KIF5C: variants seen among roughly 807,000 people sequenced by gnomAD.
KIF5C encodes kinesin heavy chain isoform 5C.
A neutral mutation model predicts 125.2 loss-of-function variants in KIF5C; 18 were observed. The ratio of observed to expected loss-of-function variants is 0.14; its 90% CI spans 0.10 to 0.21. The LOEUF (loss-of-function observed/expected upper bound fraction) is 0.21, where lower values mean the gene tolerates loss of function less well. Ranked by LOEUF, KIF5C falls within the 10% of genes least tolerant of loss-of-function variation. The pLI is 1.00. For synonymous variants in KIF5C, 405 were observed against 434.0 expected, an observed-to-expected ratio of 0.93 and a Z score of 0.83; for missense variants, 780 against 1,183.8, an observed-to-expected ratio of 0.66 and a Z score of 5.01.
At position 149,018,622 on chromosome 2, in the gene KIF5C, C is replaced by T. The variant is rs57737068; in HGVS notation, c.*8-4456C>T. Among the ~76,000 whole-genome samples the T allele has an allele frequency of 2.1e-3, 314 of 151,980 alleles. 3 individuals carry two copies. Among genetic ancestry groups the T allele is most frequent in the African/African-American group, 7.2e-3 (297 of 41,432 alleles). Reference sequence around the variant, plus strand: ...GGCAGGAGGATCACTTGAGGCCAGGCGTTTGAAACCAGCCTTAGCGAGACT... The same window carrying T: ...GGCAGGAGGATCACTTGAGGCCAGGTGTTTGAAACCAGCCTTAGCGAGACT... On this transcript the variant is annotated intron_variant, in intron 25 of 25. Coordinates refer to ENST00000435030, the MANE Select transcript of KIF5C (RefSeq NM_004522.3).
At chr2:148,877,371 C>T (rs1681222908) in intron 1 of KIF5C, 1 of 152,288 alleles carries the variant, frequency 6.6e-6, no homozygotes, top group African/African-American at 2.4e-5. Flanking sequence ...GGGGTTTTCT[C>T]TCTGTTTAGT....
intron 1 of KIF5C, among the ~76,000 whole-genome samples, chr2:148,920,119 C>T (rs940924977): frequency 1.3e-5 from 2 of 152,048 alleles, no homozygotes; most frequent in Non-Finnish European, 2.9e-5. Context: ...GTACCATGTG[C>T]TATAATTTAA....
intron 1 of KIF5C, among the ~76,000 whole-genome samples, chr2:148,904,613 T>G (rs767430660): frequency 6.6e-6 from 1 of 151,926 alleles, no homozygotes; most frequent in South Asian, 2.1e-4. Flanking sequence ...CTTGGATGGA[T>G]TGCTGCTGTT....
rs546540699 is a variant in KIF5C, at chr2:148,875,242, T to A, written c.-376T>A. On this transcript the variant is annotated 5_prime_UTR_variant, in exon 1 of 26. Transcript: ENST00000435030. ...TCAAGGCGGCAGAGCGCGCTGGTGC[T>A]GATGCAGGATGGCTGAGCGCGCAGG... The A allele has an allele frequency of 5.5e-6, 1 of 182,486 alleles. No homozygotes were observed. The highest frequency in any genetic ancestry group is 2.4e-5 in the African/African-American group (1 of 42,360). 11.3% of individuals were successfully genotyped at this position (182,486 alleles called of 1,614,324 possible). A position where few individuals can be genotyped will look rare whatever the true frequency, so the allele number is the denominator to read the frequency against.
At chr2:148,895,534 T>C (rs1681816791) in intron 1 of KIF5C, among the ~76,000 whole-genome samples, 1 of 152,144 alleles carries the variant, frequency 6.6e-6, no homozygotes, top group African/African-American at 2.4e-5. Flanking sequence ...CTCCAAAATA[T>C]TTATAAAAAT....
At chr2:148,918,002 C>T (rs1027402092) in intron 1 of KIF5C, among the ~76,000 whole-genome samples, 3 of 152,154 alleles carry the variant, frequency 2.0e-5, no homozygotes, top group African/African-American at 7.2e-5. Context: ...AGTAATATTC[C>T]TTCCAGGCTG....
At chr2:148,959,826 G>A (rs549021760) in intron 10 of KIF5C, among the ~76,000 whole-genome samples, 1 of 152,266 alleles carries the variant, frequency 6.6e-6, no homozygotes, top group African/African-American at 2.4e-5. Context: ...TGAGGTCCGG[G>A]TATTTATTTC....
intron 1 of KIF5C, among the ~76,000 whole-genome samples, chr2:148,901,570 G>A (rs949499277): frequency 1.3e-5 from 2 of 152,162 alleles, no homozygotes; most frequent in East Asian, 1.9e-4. Context: ...TATGGAAACC[G>A]AACTAAGGAG....
chr2:148,947,979 G>T, intron 8 of KIF5C: 1 of 456,686 alleles, frequency 2.2e-6, no homozygotes, highest in Non-Finnish European at 4.4e-6. Context: ...TGGTTACTTG[G>T]ATTGTCCTCT....
At position 148,983,806 on chromosome 2, in the gene KIF5C, T is replaced by C. The variant is rs1349023358; in HGVS notation, c.1716+40T>C. ...CTTTTATCCTCTCTACCTGCTCCTG[T>C]CAAGTTAGTAGGGTCTGTGCTTTAC... On this transcript the variant is annotated intron_variant, in intron 15 of 25. Transcript: ENST00000435030. The C allele has an allele frequency of 1.9e-6, 3 of 1,550,602 alleles. No individual in the cohort carries two copies. The South Asian group carries it at 3.8e-5, about 20-fold the overall frequency.
intron 16 of KIF5C, 47 bp downstream of exon 16, chr2:148,991,245 C>T (rs773355687): frequency 8.2e-6 from 13 of 1,586,836 alleles, no homozygotes; most frequent in African/African-American, 1.3e-5. Context: ...GTCTTGAGAT[C>T]TGCTCCCTCC....
chr2:148,908,853 T>A (rs1478099194), intron 1 of KIF5C, among the ~76,000 whole-genome samples: 6 of 152,174 alleles, frequency 3.9e-5, no homozygotes, highest in African/African-American at 1.2e-4. Flanking sequence ...GATTCTTTTT[T>A]AAAAAAATTA....
At chr2:148,932,629 C>A (rs570438108) in intron 3 of KIF5C, among the ~76,000 whole-genome samples, 1 of 152,150 alleles carries the variant, frequency 6.6e-6, no homozygotes, top group East Asian at 1.9e-4. Context: ...CTCCTGGCCC[C>A]GTGCCCTCCT....
At chr2:149,006,745 C>A (rs896643374) in intron 22 of KIF5C, among the ~76,000 whole-genome samples, 5 of 152,150 alleles carry the variant, frequency 3.3e-5, no homozygotes, top group African/African-American at 1.2e-4. Flanking sequence ...TAAGCACAGA[C>A]CAAAACACAA....
At chr2:148,989,404 A>G (rs1433705496) in intron 15 of KIF5C, among the ~76,000 whole-genome samples, 2 of 151,826 alleles carry the variant, frequency 1.3e-5, no homozygotes, top group South Asian at 2.1e-4. Flanking sequence ...ACTGATGGGC[A>G]TTTGGGCTGG....
chr2:148,994,332 C>T, intron 16 of KIF5C, 89 bp from the exon 17 acceptor site: 2 of 1,492,896 alleles, frequency 1.3e-6, no homozygotes, highest in Non-Finnish European at 1.8e-6. Context: ...AGGAACCCCT[C>T]CTCTCTCGCA....
At position 148,962,073 on chromosome 2, in the gene KIF5C, G is replaced by A. The variant is rs1682939883; in HGVS notation, c.1071G>A (p.Lys357=). Residue 357 remains lysine, a synonymous_variant, in exon 11 of 26, where the codon AAG becomes AAA. Coordinates refer to ENST00000435030, the MANE Select transcript of KIF5C (RefSeq NM_004522.3). ...EKEKEKNKTL[K]NVIQHLEMEL... ...AGAAAGAGAAAAACAAGACTTTGAAGAATGTTATCCAGCATCTGGAGATGG... is the reference window on the plus strand; with the variant it reads ...AGAAAGAGAAAAACAAGACTTTGAAAAATGTTATCCAGCATCTGGAGATGG... 6.2e-7 allele frequency: 1 copy of A among 1,613,262 alleles called. No homozygotes were observed. The highest frequency in any genetic ancestry group is 8.5e-7 in the Non-Finnish European group (1 of 1,179,546).
chr2:149,008,097 T>G, intron 23 of KIF5C, 30 bp downstream of exon 23: 2 of 1,587,894 alleles, frequency 1.3e-6, no homozygotes, highest in Non-Finnish European at 1.7e-6. Flanking sequence ...TCCCCTCTGA[T>G]TCCCTCCTCT....
At chr2:148,994,116 T>G (rs1294319488) in intron 16 of KIF5C, among the ~76,000 whole-genome samples, 1 of 152,200 alleles carries the variant, frequency 6.6e-6, no homozygotes, top group Non-Finnish European at 1.5e-5. Context: ...CTCTCATGCA[T>G]GCTTTTCTCT....
Sources: allele counts gnomAD v4.1 joint callset (sites outside exome capture counted in the v4.1 genomes callset), GRCh38; gene constraint gnomAD v4.1.1; transcripts MANE v1.5; gene names NCBI Gene and HGNC (gene_info 2026-07-23, HGNC 2026-07-21).